DSCAM: variants seen among roughly 807,000 people sequenced by gnomAD.
DSCAM encodes DS cell adhesion molecule.
A neutral mutation model predicts 217.7 loss-of-function variants in DSCAM; 47 were observed. The ratio of observed to expected loss-of-function variants is 0.22; its 90% CI spans 0.17 to 0.28. DSCAM has a LOEUF of 0.28. Among genes scored for constraint, DSCAM ranks in the 10% least tolerant of loss-of-function variants. DSCAM has a pLI of 1.00. For missense variants in DSCAM, 2,080 were observed against 2,618.3 expected, an observed-to-expected ratio of 0.79 and a Z score of 4.49; for synonymous variants, 1,056 against 1,015.3, an observed-to-expected ratio of 1.04 and a Z score of -0.76.
chr21:40,279,766 A>T (rs1205411181), intron 10 of DSCAM, among the ~76,000 whole-genome samples: 2 of 152,248 alleles, frequency 1.3e-5, no homozygotes, highest in East Asian at 3.9e-4. Context: ...AAAATGTGGC[A>T]CACATGCTTC....
In DSCAM at chr21:40,111,983, T is replaced by C. The variant is rs531217531; in HGVS notation, c.3696+12212A>G. Among the ~76,000 whole-genome samples the C allele has an allele frequency of 2.2e-4, 34 of 151,968 alleles. 1 individual carries two copies. In the East Asian group the frequency reaches 4.6e-3, roughly 21 times the overall value. On this transcript the variant is annotated intron_variant, in intron 20 of 32. Coordinates refer to ENST00000400454, the MANE Select transcript of DSCAM (RefSeq NM_001389.5). ...ATAATAATGGGAGACTTTAACACCC[T>C]ACTGTCAACATTAGACAGATCAACG...
At chr21:40,021,315 C>A (rs1157736820) in intron 32 of DSCAM, among the ~76,000 whole-genome samples, 2 of 151,282 alleles carry the variant, frequency 1.3e-5, no homozygotes, top group East Asian at 1.9e-4. Flanking sequence ...AACATGGTAA[C>A]CATCTGGGAC....
At chr21:40,192,126 C>T (rs2090958350) in intron 11 of DSCAM, among the ~76,000 whole-genome samples, 1 of 152,138 alleles carries the variant, frequency 6.6e-6, no homozygotes, top group African/African-American at 2.4e-5. Context: ...ATAATCATCA[C>T]TGAATCAAAT....
At chr21:40,779,692 T>C (rs558390999) in intron 1 of DSCAM, among the ~76,000 whole-genome samples, 7 of 152,218 alleles carry the variant, frequency 4.6e-5, no homozygotes, top group South Asian at 2.1e-4. Flanking sequence ...TCAGAATACA[T>C]AGTAAGTGAA....
At chr21:40,633,986 T>C (rs574830927) in intron 3 of DSCAM, among the ~76,000 whole-genome samples, 11 of 152,172 alleles carry the variant, frequency 7.2e-5, no homozygotes, top group Non-Finnish European at 1.3e-4. Context: ...GGGTTTACTA[T>C]TTCTTATTCT....
intron 9 of DSCAM, among the ~76,000 whole-genome samples, chr21:40,296,606 C>T (rs949616275): frequency 9.9e-5 from 15 of 152,014 alleles, no homozygotes; most frequent in African/African-American, 3.6e-4. Context: ...CCGAGGCAAG[C>T]AGATCACCTG....
At chr21:40,291,366 C>G (rs905332747) in intron 10 of DSCAM, among the ~76,000 whole-genome samples, 22 of 152,222 alleles carry the variant, frequency 1.4e-4, no homozygotes, top group Non-Finnish European at 2.9e-5. Flanking sequence ...AGCCTCCTAG[C>G]TTCTGGCTTC....
At chr21:40,348,957 C>T (rs1172175761) in intron 5 of DSCAM, among the ~76,000 whole-genome samples, 1 of 151,286 alleles carries the variant, frequency 6.6e-6, no homozygotes, top group Non-Finnish European at 1.5e-5. Flanking sequence ...CTGGCTAACA[C>T]AGTGAAACCC....
intron 11 of DSCAM, among the ~76,000 whole-genome samples, chr21:40,261,303 A>G (rs986413738): frequency 1.3e-5 from 2 of 152,230 alleles, no homozygotes; most frequent in African/African-American, 4.8e-5. Context: ...TATTTGGTCA[A>G]ACATGATTCT....
intron 11 of DSCAM, among the ~76,000 whole-genome samples, chr21:40,207,850 T>G (rs1161862828): frequency 3.9e-5 from 6 of 152,160 alleles, no homozygotes; most frequent in Non-Finnish European, 5.9e-5. Flanking sequence ...GATAACCATC[T>G]TCACCTGGGG....
chr21:40,039,942 C>T (rs979760257), intron 32 of DSCAM, among the ~76,000 whole-genome samples: 2 of 152,126 alleles, frequency 1.3e-5, no homozygotes, highest in Non-Finnish European at 2.9e-5. Flanking sequence ...TATCATCTAG[C>T]GTGAAGAGGG....
intron 11 of DSCAM, among the ~76,000 whole-genome samples, chr21:40,227,042 C>T (rs1345099897): frequency 6.6e-6 from 1 of 152,138 alleles, no homozygotes; most frequent in Admixed American, 6.6e-5. Flanking sequence ...GGATAATGGT[C>T]TCCAGCTCCA....
At chr21:40,462,280 G>A (rs2075812144) in intron 3 of DSCAM, among the ~76,000 whole-genome samples, 1 of 152,138 alleles carries the variant, frequency 6.6e-6, no homozygotes, top group Admixed American at 6.5e-5. Context: ...GTGGCACCAA[G>A]ACCAGTAGCA....
At chr21:40,389,369 C>A (rs2075114136) in intron 3 of DSCAM, among the ~76,000 whole-genome samples, 1 of 152,092 alleles carries the variant, frequency 6.6e-6, no homozygotes, top group Non-Finnish European at 1.5e-5. Flanking sequence ...TAAAAAACAG[C>A]TAATGTTCTA....
At chr21:40,712,095 G>T (rs1434583248) in intron 1 of DSCAM, among the ~76,000 whole-genome samples, 1 of 152,218 alleles carries the variant, frequency 6.6e-6, no homozygotes, top group Non-Finnish European at 1.5e-5. Context: ...ATGGAAGAAA[G>T]TACTAAATCT....
chr21:40,353,669 G>A lies in DSCAM; in HGVS notation c.730C>T (p.Leu244=). ...RKAMAGQRVE[L]PCKALGHPEP... ...GGGTGCCCGAGCGCTTTGCAAGGCA[G>A]CTCCACACGCTGCCCAGCCATGGCT... Residue 244 remains leucine, a synonymous_variant, in exon 5 of 33, where the codon CTG becomes TTG. Coordinates refer to ENST00000400454, the MANE Select transcript of DSCAM (RefSeq NM_001389.5). 6.2e-7 allele frequency: 1 copy of A among 1,609,360 alleles called. No individual in the cohort carries two copies. The highest frequency in any genetic ancestry group is 1.1e-5 in the South Asian group (1 of 90,284).
intron 3 of DSCAM, among the ~76,000 whole-genome samples, chr21:40,522,969 T>C (rs2837670): frequency 0.16 from 23,967 of 152,068 alleles, 2,399 homozygotes; most frequent in African/African-American, 0.27. Context: ...ATGTTTCGCT[T>C]ACACATAGTG....
chr21:40,592,204 G>A (rs2076989078), intron 3 of DSCAM, among the ~76,000 whole-genome samples: 1 of 152,108 alleles, frequency 6.6e-6, no homozygotes, highest in Non-Finnish European at 1.5e-5. Context: ...AATTTTTCAG[G>A]TGAGAAATTA....
At chr21:40,490,734 A>G (rs1367574338) in intron 3 of DSCAM, among the ~76,000 whole-genome samples, 1 of 152,112 alleles carries the variant, frequency 6.6e-6, no homozygotes, top group Non-Finnish European at 1.5e-5. Flanking sequence ...TTATCCCCAC[A>G]TTCTCTCCCA....
Sources: allele counts gnomAD v4.1 joint callset (sites outside exome capture counted in the v4.1 genomes callset), GRCh38; gene constraint gnomAD v4.1.1; transcripts MANE v1.5; gene names NCBI Gene and HGNC (gene_info 2026-07-23, HGNC 2026-07-21).